AKAP9: variants seen among roughly 807,000 people sequenced by gnomAD.
AKAP9 encodes the protein A-kinase anchoring protein 9, also known as A-kinase anchor protein 9.
In AKAP9, 311 loss-of-function variants were observed where a neutral mutation model predicts 488.5. The observed-to-expected ratio is 0.64, with a 90% confidence interval of 0.58 to 0.70. The LOEUF is 0.70. Among genes scored for constraint, AKAP9 ranks in the 30% least tolerant of loss-of-function variants. AKAP9 has a pLI of 0.00. For synonymous variants in AKAP9, 1,462 were observed against 1,483.5 expected, an observed-to-expected ratio of 0.99 and a Z score of 0.33; for missense variants, 4,215 against 4,374.5, an observed-to-expected ratio of 0.96 and a Z score of 1.03.
intron 15 of AKAP9, among the ~76,000 whole-genome samples, chr7:92,031,071 T>C (rs911869591): frequency 6.6e-6 from 1 of 152,342 alleles, no homozygotes; most frequent in East Asian, 1.9e-4. Flanking sequence ...GTTTTTTCTA[T>C]TGATAAAAGT....
At chr7:91,976,376 C>T (rs1795691424) in intron 2 of AKAP9, among the ~76,000 whole-genome samples, 2 of 152,148 alleles carry the variant, frequency 1.3e-5, no homozygotes, top group Non-Finnish European at 2.9e-5. Flanking sequence ...CCCATGCCAC[C>T]ACACCTAGCT....
At position 92,080,019 on chromosome 7, in the gene AKAP9, T is replaced by C. The variant is rs199909093; in HGVS notation, c.7886T>C (p.Val2629Ala). 360 of 1,561,770 alleles carry C rather than the reference T, an allele frequency of 2.3e-4. No individual in the cohort carries two copies. Among genetic ancestry groups the C allele is most frequent in the Non-Finnish European group, 3.0e-4 (346 of 1,163,668 alleles). Residue 2629 changes from valine to alanine, a missense_variant, in exon 31 of 50, where the codon GTA becomes GCA. Coordinates refer to ENST00000356239, the MANE Select transcript of AKAP9 (RefSeq NM_005751.5). ...HTSLILEKEQ[V>A]EIAEKNVLEK... ...AGTTTGATTTTAGAAAAAGAACAAG[T>C]AGAAATTGCAGAAAAAAATGTTTTA...
intron 16 of AKAP9, among the ~76,000 whole-genome samples, chr7:92,034,904 T>C (rs934342706): frequency 2.6e-5 from 4 of 152,166 alleles, no homozygotes; most frequent in Non-Finnish European, 5.9e-5. Context: ...ATTGATAATA[T>C]TAAGGATTCA....
chr7:91,945,380 G>A (rs2130441879), intron 1 of AKAP9, among the ~76,000 whole-genome samples: 1 of 152,234 alleles, frequency 6.6e-6, no homozygotes, highest in Non-Finnish European at 1.5e-5. Flanking sequence ...CGTGGTGGCA[G>A]GTACTAATCC....
chr7:92,023,898 G>T (rs1330825027), intron 14 of AKAP9, among the ~76,000 whole-genome samples: 2 of 151,966 alleles, frequency 1.3e-5, no homozygotes, highest in African/African-American at 4.8e-5. Context: ...TACCTAGAAT[G>T]GTCTTCCTCC....
rs1263526528 is a variant in AKAP9 at position 92,012,487 on chromosome 7, C to A, written c.3377C>A (p.Thr1126Asn). ...ATTTGCCTCTCTCTGGTTTATTCAA[C>A]TCATGTGGATCAGGTTCGTGAATAT... is the stretch of plus-strand genomic sequence containing the variant. ...QRICLSLVYS[T>N]HVDQVREYME... The change falls in exon 9 of 50, where the codon ACT (threonine) becomes AAT (asparagine). Residue 1126 changes from threonine (T) to asparagine (N), a missense_variant. Coordinates refer to ENST00000356239, the MANE Select transcript of AKAP9 (RefSeq NM_005751.5). 5.0e-6 allele frequency: 8 copies of A among 1,614,052 alleles called. No individual in the cohort carries two copies. The highest frequency in any genetic ancestry group is 1.3e-5 in the African/African-American group (1 of 75,034).
chr7:92,094,931 C>T (rs1428729555), intron 39 of AKAP9, 92 bp from the exon 40 acceptor site: 2 of 1,116,960 alleles, frequency 1.8e-6, no homozygotes, highest in South Asian at 1.3e-5. Flanking sequence ...TTATTATATG[C>T]CTCAACTTAT....
At chr7:91,946,225 G>A (rs941016975) in intron 1 of AKAP9, among the ~76,000 whole-genome samples, 11 of 152,154 alleles carry the variant, frequency 7.2e-5, no homozygotes, top group Non-Finnish European at 1.5e-4. Context: ...TTGTTCCACA[G>A]CTAAGAAAGT....
Position 92,110,608 on chromosome 7 carries a change from G to T in AKAP9, c.*449G>T. The T allele has an allele frequency of 4.7e-6, 1 of 213,252 alleles. No homozygotes were observed. The allele number at this position is 213,252 out of a possible 1,614,324, so 13.2% of individuals were successfully genotyped here. ...GACCTATTTTTGTATAATGGTAGAA[G>T]TTTTGAATTTTATGGGGTATTTTGT... On this transcript the variant is annotated 3_prime_UTR_variant, in exon 50 of 50. Coordinates refer to ENST00000356239, the MANE Select transcript of AKAP9 (RefSeq NM_005751.5).
chr7:92,040,929 C>T, intron 18 of AKAP9, 31 bp downstream of exon 18: 1 of 1,557,190 alleles, frequency 6.4e-7, no homozygotes, highest in Non-Finnish European at 8.8e-7. Context: ...TTTCTCTCCC[C>T]AGTTATTTTT....
chr7:91,992,910 C>G lies in AKAP9; in HGVS notation c.431C>G (p.Ser144Cys), dbSNP rs755140795. The G allele has an allele frequency of 2.5e-5, 40 of 1,613,856 alleles. No homozygotes were observed. Among genetic ancestry groups the G allele is most frequent in the Non-Finnish European group, 3.0e-5 (35 of 1,179,914 alleles). Residue 144 changes from serine (S) to cysteine (C), a missense_variant, in exon 5 of 50, where the codon TCT becomes TGT. This residue lies in a region of AKAP9 where 2,361 missense variants were observed against 2,430.0 expected (regional missense o/e 0.97). Coordinates refer to ENST00000356239, the MANE Select transcript of AKAP9 (RefSeq NM_005751.5). ...LREEEFGVDD[S>C]YSEQGAQDSP... ...GAAGAAGAATTTGGTGTTGATGATT[C>G]TTATTCTGAACAAGGAGCACAAGAC...
intron 28 of AKAP9, among the ~76,000 whole-genome samples, chr7:92,072,471 A>AT (rs754382159): frequency 2.8e-4 from 43 of 152,276 alleles, no homozygotes; most frequent in Non-Finnish European, 4.7e-4. Flanking sequence ...CTTCTTAAGC[A>AT]TTTTTTCCCC....
chr7:92,003,356 G>T, intron 8 of AKAP9, 121 bp downstream of exon 8: 1 of 756,324 alleles, frequency 1.3e-6, no homozygotes, highest in African/African-American at 1.8e-5. Context: ...TGAACCCTCT[G>T]ATGTAATTTT....
At position 92,110,621 on chromosome 7, in the gene AKAP9, TG is replaced by T; in HGVS notation, c.*466del. 9.5e-6 allele frequency: 2 copies of T among 209,468 alleles called. No individual in the cohort carries two copies. Among genetic ancestry groups the T allele is most frequent in the South Asian group, 1.7e-4 (1 of 5,798 alleles). The allele number at this position is 209,468 out of a possible 1,614,324, so 13.0% of individuals were successfully genotyped here. ...ATAATGGTAGAAGTTTTGAATTTTA[TG>T]GGGTATTTTGTCAAGTACTGAAATA... On this transcript the variant is annotated 3_prime_UTR_variant, in exon 50 of 50. Coordinates refer to ENST00000356239, the MANE Select transcript of AKAP9 (RefSeq NM_005751.5).
intron 1 of AKAP9, among the ~76,000 whole-genome samples, chr7:91,956,848 AT>A (rs1793086178): frequency 6.6e-6 from 1 of 152,202 alleles, no homozygotes; most frequent in African/African-American, 2.4e-5. Context: ...TTTCTGATAA[AT>A]CAGTTGTTTT....
chr7:92,004,713 T>A (rs1376126285), intron 8 of AKAP9, among the ~76,000 whole-genome samples: 2 of 152,222 alleles, frequency 1.3e-5, no homozygotes, highest in Non-Finnish European at 2.9e-5. Context: ...TAAGGAGATT[T>A]TGGGCTGAGA....
intron 30 of AKAP9, among the ~76,000 whole-genome samples, chr7:92,078,661 T>C (rs1401856294): frequency 6.6e-6 from 1 of 152,112 alleles, no homozygotes; most frequent in Non-Finnish European, 1.5e-5. Flanking sequence ...AGGATTCTAA[T>C]GTTTTTCAGA....
rs189626253 is a variant in AKAP9 at position 92,019,965 on chromosome 7, G to A, written c.3838-2273G>A. 2.8e-3 allele frequency among the ~76,000 whole-genome samples: 424 copies of A among 151,938 alleles called. 3 individuals carry two copies. Among genetic ancestry groups the A allele is most frequent in the African/African-American group, 9.8e-3 (404 of 41,432 alleles). ...GAAGGTGGAGGTTGCAGTGAGCCAA[G>A]ATTGCACCACTGCACTCCAGCCTGG... On this transcript the variant is annotated intron_variant, in intron 12 of 49. Coordinates refer to ENST00000356239, the MANE Select transcript of AKAP9 (RefSeq NM_005751.5).
At position 92,095,864 on chromosome 7, in the gene AKAP9, C is replaced by T. The variant is rs1816480809; in HGVS notation, c.9729+691C>T. Among the ~76,000 whole-genome samples, 3 of 152,182 alleles carry T rather than the reference C, an allele frequency of 2.0e-5. No individual in the cohort carries two copies. In the South Asian group the frequency reaches 6.2e-4, roughly 32 times the overall value. ...TCTCTGCCCGGCAGGGACATGATAT[C>T]TCCCTAGGTACCAATTATAGTTTTT... On this transcript the variant is annotated intron_variant, in intron 40 of 49. Coordinates refer to ENST00000356239, the MANE Select transcript of AKAP9 (RefSeq NM_005751.5).
Sources: gnomAD v4.1 joint callset for allele counts (sites outside exome capture counted in the v4.1 genomes callset) on GRCh38, gnomAD v4.1.1 for gene constraint, gnomAD v4.1.1 regional missense constraint, MANE v1.5 for transcripts, NCBI Gene and HGNC (gene_info 2026-07-23, HGNC 2026-07-21) for gene names.